Variants in DENND4B observed in about 807,000 individuals in gnomAD.
DENND4B encodes the protein DENN domain-containing protein 4B.
Under a neutral mutation model 161.0 loss-of-function variants are expected in DENND4B, and 67 were observed. The observed-to-expected ratio is 0.42, with a 90% CI of 0.34 to 0.51. DENND4B has a LOEUF of 0.51. Ranked by LOEUF, DENND4B falls within the 20% of genes least tolerant of loss-of-function variation. DENND4B has a pLI of 0.08. For missense variants in DENND4B, 1,481 were observed against 1,968.0 expected (o/e 0.75, Z 4.68); for synonymous variants, 753 against 813.8 (o/e 0.93, Z 1.27).
Position 153,940,143 on chromosome 1 carries a change from C to T in DENND4B, c.1603+13G>A, listed in dbSNP as rs145433830. 1.3e-4 allele frequency: 199 copies of T among 1,549,716 alleles called. 1 individual carries two copies. The East Asian group carries it at 3.6e-3, about 28-fold the overall frequency. On this transcript the variant is annotated intron_variant, in intron 11 of 27. Coordinates refer to ENST00000361217, the MANE Select transcript of DENND4B (RefSeq NM_014856.3). The surrounding 1 kb of genome is among the most constrained non-coding windows in gnomAD (Gnocchi z 5.6). ...GACAGTTCCCAGCCTCCCTCCCCAC[C>T]CAGGCTTCTCACTCTGGTCCAGCTG...
chr1:153,940,137 C>T lies in DENND4B; in HGVS notation c.1603+19G>A, dbSNP rs768236761. On this transcript the variant is annotated intron_variant, in intron 11 of 27. Transcript: ENST00000361217. The surrounding 1 kb of genome is among the most constrained non-coding windows in gnomAD (Gnocchi z 5.6). ...GGCAATGACAGTTCCCAGCCTCCCT[C>T]CCCACCCAGGCTTCTCACTCTGGTC... The T allele has an allele frequency of 5.8e-6, 9 of 1,542,062 alleles. No individual in the cohort carries two copies. In the South Asian group the frequency reaches 1.0e-4, roughly 17 times the overall value.
At position 153,944,842 on chromosome 1, in the gene DENND4B, T is replaced by TGATC. The variant is rs898614293; in HGVS notation, c.-23-449_-23-446dup. On this transcript the variant is annotated intron_variant, in intron 1 of 27. Transcript: ENST00000361217. This position sits in a 1 kb window ranked among gnomAD's most constrained non-coding sequence, Gnocchi z 4.8. Reference sequence around the variant, plus strand: ...TAGTTATGACACCATAAGAACCTTGTGATCCTGCCAATGTTCTTAAAGAGC... The same window carrying TGATC: ...TAGTTATGACACCATAAGAACCTTGTGATCGATCCTGCCAATGTTCTTAAAGAGC... Among the ~76,000 whole-genome samples the TGATC allele has an allele frequency of 7.9e-5, 12 of 152,302 alleles. No individual in the cohort carries two copies. The highest frequency in any genetic ancestry group is 2.1e-4 in the South Asian group (1 of 4,824).
intron 13 of DENND4B, among the ~76,000 whole-genome samples, chr1:153,938,111 TTACAA>T (rs1388142167): frequency 1.3e-5 from 2 of 152,164 alleles, no homozygotes; most frequent in African/African-American, 2.4e-5. Context: ...AGAGTTGTGT[TTACAA>T]TGGCCCTGGG....
At chr1:153,945,302 A>G in intron 1 of DENND4B, 2 of 563,772 alleles carry the variant, frequency 3.5e-6, no homozygotes, top group South Asian at 1.7e-5. Context: ...GTGGAGGGGA[A>G]GCTGCAACTC....
At position 153,944,584 on chromosome 1, in the gene DENND4B, C is replaced by CCCT. The variant is rs1441930879; in HGVS notation, c.-23-190_-23-188dup. Among the ~76,000 whole-genome samples, 2 of 152,170 alleles carry CCCT rather than the reference C, an allele frequency of 1.3e-5. No individual in the cohort carries two copies. Among genetic ancestry groups the CCCT allele is most frequent in the Non-Finnish European group, 2.9e-5 (2 of 68,026 alleles). Reference sequence around the variant, plus strand: ...CCACAGCTTCTTAAAGAGACCAGATCCCTCCCACTTAATGGTCCTGGCACT... The same window carrying CCCT: ...CCACAGCTTCTTAAAGAGACCAGATCCCTCCTCCCACTTAATGGTCCTGGCACT... On this transcript the variant is annotated intron_variant, in intron 1 of 27. Coordinates refer to ENST00000361217, the MANE Select transcript of DENND4B (RefSeq NM_014856.3). This position sits in a 1 kb window ranked among gnomAD's most constrained non-coding sequence, Gnocchi z 4.8.
In DENND4B at chr1:153,934,877, G is replaced by A; in HGVS notation, c.2656C>T (p.Gln886Ter). Reference protein sequence around the residue: ...KLRNVVLGAAQFRQPLRERQQ... With the variant: ...KLRNVVLGAA ...CGTTCTCTCAAGGGCTGGCGGAACTGAGCAGCCCCCAGGACAACATTCCGG... is the reference window on the plus strand; with the variant it reads ...CGTTCTCTCAAGGGCTGGCGGAACTAAGCAGCCCCCAGGACAACATTCCGG... Residue 886 changes from glutamine to a stop codon, truncating the protein, a stop_gained, in exon 18 of 28, where the codon CAG (glutamine) becomes TAG (stop). Transcript: ENST00000361217. LOFTEE classifies it high-confidence loss of function. This position sits in a 1 kb window ranked among gnomAD's most constrained non-coding sequence, Gnocchi z 5.3. 1 of 1,613,686 alleles carries A rather than the reference G, an allele frequency of 6.2e-7. No homozygotes were observed. Among genetic ancestry groups the A allele is most frequent in the Non-Finnish European group, 8.5e-7 (1 of 1,179,898 alleles).
rs376611781 is a variant in DENND4B, at chr1:153,932,414, C to T, written c.3786G>A (p.Gly1262=). The change falls in exon 24 of 28, where the codon GGG becomes GGA. Residue 1262 remains glycine (G), a synonymous_variant. Transcript: ENST00000361217. The surrounding 1 kb of genome is among the most constrained non-coding windows in gnomAD (Gnocchi z 5.8). ...MGGASRRVES[G]AWAYLSPLVL... ...CCAGGGGGCTCAGGTATGCCCATGCCCCACTCTCAACCCGCCGGGAGGCTC... is the reference window on the plus strand; with the variant it reads ...CCAGGGGGCTCAGGTATGCCCATGCTCCACTCTCAACCCGCCGGGAGGCTC... 194 of 1,612,328 alleles carry T rather than the reference C, an allele frequency of 1.2e-4. No individual in the cohort carries two copies. The African/African-American group carries it at 2.1e-3, about 17-fold the overall frequency.
Position 153,944,148 on chromosome 1 carries a change from G to A in DENND4B, c.227C>T (p.Pro76Leu), listed in dbSNP as rs765519783. The A allele has an allele frequency of 3.7e-6, 6 of 1,613,074 alleles. No homozygotes were observed. The highest frequency in any genetic ancestry group is 5.1e-6 in the Non-Finnish European group (6 of 1,179,510). The change falls in exon 2 of 28, where the codon CCC becomes CTC. Residue 76 changes from proline to leucine, a missense_variant. By Grantham distance (98) the Pro-to-Leu change is moderately conservative (BLOSUM62 -3). This residue lies in a region of DENND4B where 806 missense variants were observed against 1,134.4 expected (regional missense o/e 0.71). Transcript: ENST00000361217. This position sits in a 1 kb window ranked among gnomAD's most constrained non-coding sequence, Gnocchi z 4.8. The stretch of plus-strand genomic sequence containing the variant: ...CAGAAGTCCAGCACTGAGTTCCAAG[G>A]GGTGGCCCCCAGCAGAAGCCTGGAT... ...TCIQASAGGH[P>L]LELSAGLLGG...
In DENND4B at chr1:153,942,918, TGAG is replaced by T; in HGVS notation, c.527_529del (p.Pro176del). 1.2e-6 allele frequency: 2 copies of T among 1,609,400 alleles called. No individual in the cohort carries two copies. Among genetic ancestry groups the T allele is most frequent in the South Asian group, 1.1e-5 (1 of 90,926 alleles). On this transcript the variant is annotated inframe_deletion, in exon 3 of 28. Coordinates refer to ENST00000361217, the MANE Select transcript of DENND4B (RefSeq NM_014856.3). The surrounding 1 kb of genome is among the most constrained non-coding windows in gnomAD (Gnocchi z 6.9). Reference sequence around the variant, plus strand: ...GTTGCGGGGCAGCCGGCAGTAAGTATGAGGAGTGCCCTCGCCCTTACTGGGCAG... The same window carrying T: ...GTTGCGGGGCAGCCGGCAGTAAGTATGAGTGCCCTCGCCCTTACTGGGCAG...
chr1:153,933,554 G>T lies in DENND4B; in HGVS notation c.3259C>A (p.Pro1087Thr). The T allele has an allele frequency of 6.4e-7, 1 of 1,550,686 alleles. No homozygotes were observed. The highest frequency in any genetic ancestry group is 8.7e-7 in the Non-Finnish European group (1 of 1,150,842). Residue 1087 changes from proline to threonine, a missense_variant, in exon 20 of 28, where the codon CCC becomes ACC. Physicochemically the swap from Pro to Thr is conservative, Grantham distance 38. Transcript: ENST00000361217. The surrounding 1 kb of genome is among the most constrained non-coding windows in gnomAD (Gnocchi z 5.7). ...TCCATGGGGCTGCGGCGGGCTGGGG[G>T]TGGCAGGTCAGGAGGCAGCTCAGGT... is the stretch of plus-strand genomic sequence containing the variant. ...PPPELPPDLPPPARRSPMDSL... is the reference protein window; with the variant it reads ...PPPELPPDLPTPARRSPMDSL...
rs942624653 is a variant in DENND4B at position 153,940,750 on chromosome 1, C to T, written c.1327-144G>A. On this transcript the variant is annotated intron_variant, in intron 9 of 27. Coordinates refer to ENST00000361217, the MANE Select transcript of DENND4B (RefSeq NM_014856.3). The surrounding 1 kb of genome is among the most constrained non-coding windows in gnomAD (Gnocchi z 5.6). ...TGGAAGTAGGCTCTAGAGAAGAGCTCCTGATGGAAGCTATGTGTTCCTGCA... is the reference window on the plus strand; with the variant it reads ...TGGAAGTAGGCTCTAGAGAAGAGCTTCTGATGGAAGCTATGTGTTCCTGCA... 1.4e-5 allele frequency: 20 copies of T among 1,435,374 alleles called. No homozygotes were observed. The highest frequency in any genetic ancestry group is 1.2e-4 in the Admixed American group (5 of 43,334). The allele number at this position is 1,435,374 out of a possible 1,614,324, so 88.9% of individuals were successfully genotyped here.
Position 153,937,540 on chromosome 1 carries a change from G to GGCACAGGCAGGGCCCC in DENND4B, c.2164_2179dup (p.Pro727ArgfsTer11). 1 of 1,608,964 alleles carries GGCACAGGCAGGGCCCC rather than the reference G, an allele frequency of 6.2e-7. No individual in the cohort carries two copies. Among genetic ancestry groups the GGCACAGGCAGGGCCCC allele is most frequent in the African/African-American group, 1.3e-5 (1 of 74,956 alleles). On this transcript the variant is annotated frameshift_variant, in exon 15 of 28. Coordinates refer to ENST00000361217, the MANE Select transcript of DENND4B (RefSeq NM_014856.3). LOFTEE classifies it high-confidence loss of function. This position sits in a 1 kb window ranked among gnomAD's most constrained non-coding sequence, Gnocchi z 4.7. ...GCTGGGGGCGCTACGGGAAGGGCCT[G>GGCACAGGCAGGGCCCC]GCACAGGCAGGGCCCCAGGTTGCTC...
rs1030716451 is a variant in DENND4B at position 153,933,175 on chromosome 1, G to A, written c.3453+22C>T. 1.9e-6 allele frequency: 3 copies of A among 1,612,664 alleles called. No homozygotes were observed. The highest frequency in any genetic ancestry group is 3.3e-5 in the Admixed American group (2 of 59,726). ...GTGCTATGTGTGTTCAAGCACATCT[G>A]TGTGGGAGGGGTTATCCTCACTTCC... On this transcript the variant is annotated intron_variant, in intron 21 of 27. Transcript: ENST00000361217. This position sits in a 1 kb window ranked among gnomAD's most constrained non-coding sequence, Gnocchi z 5.7.
At chr1:153,943,678 T>TAA (rs11330733) in intron 2 of DENND4B, among the ~76,000 whole-genome samples, 2,011 of 91,810 alleles carry the variant, frequency 0.022, 77 homozygotes, top group African/African-American at 0.072. Context: ...ACTCTGTCTA[T>TAA]AAAAAAAAAA....
chr1:153,942,685 A>T lies in DENND4B; in HGVS notation c.571-60T>A. 1 of 1,509,196 alleles carries T rather than the reference A, an allele frequency of 6.6e-7. No homozygotes were observed. The highest frequency in any genetic ancestry group is 1.3e-5 in the South Asian group (1 of 76,150). 93.5% of individuals were successfully genotyped at this position (1,509,196 alleles called of 1,614,324 possible). On this transcript the variant is annotated intron_variant, in intron 3 of 27. Transcript: ENST00000361217. The surrounding 1 kb of genome is among the most constrained non-coding windows in gnomAD (Gnocchi z 6.9). ...TAGCTAACAAAGGTTTCTGGGGTCC[A>T]CTTTCTCTCTACCACCCCTAAATGT...
chr1:153,931,708 C>G lies in DENND4B; in HGVS notation c.3996+496G>C, dbSNP rs201440322. ...ACACGGGGTTTCACCGTGTTAGCCA[C>G]GATGGTCTCGATCTCCTGACCTCAT... On this transcript the variant is annotated intron_variant, in intron 24 of 27. Coordinates refer to ENST00000361217, the MANE Select transcript of DENND4B (RefSeq NM_014856.3). 1.8e-4 allele frequency among the ~76,000 whole-genome samples: 28 copies of G among 151,740 alleles called. No homozygotes were observed. In the East Asian group the frequency reaches 3.9e-3, roughly 21 times the overall value.
chr1:153,940,162 C>T lies in DENND4B; in HGVS notation c.1597G>A (p.Asp533Asn), dbSNP rs1312685691. 1 of 1,573,926 alleles carries T rather than the reference C, an allele frequency of 6.4e-7. No homozygotes were observed. Among genetic ancestry groups the T allele is most frequent in the East Asian group, 2.2e-5 (1 of 44,624 alleles). Reference protein sequence around the residue: ...ATLTNLYQQLDQTYTGPEEEA... With the variant: ...ATLTNLYQQLNQTYTGPEEEA... The stretch of plus-strand genomic sequence containing the variant: ...CCCCACCCAGGCTTCTCACTCTGGT[C>T]CAGCTGCTGGTACAGGTTTGTCAGT... Residue 533 changes from aspartate to asparagine, a missense_variant, in exon 11 of 28, where the codon GAC (aspartate) becomes AAC (asparagine). This residue lies in a region of DENND4B where 806 missense variants were observed against 1,134.4 expected (regional missense o/e 0.71). Coordinates refer to ENST00000361217, the MANE Select transcript of DENND4B (RefSeq NM_014856.3). The surrounding 1 kb of genome is among the most constrained non-coding windows in gnomAD (Gnocchi z 5.6).
In DENND4B at chr1:153,930,053, G is replaced by A. The variant is rs1678814518; in HGVS notation, c.*244C>T. The A allele has an allele frequency of 2.3e-5, 13 of 574,420 alleles. No individual in the cohort carries two copies. The highest frequency in any genetic ancestry group is 4.0e-5 in the Non-Finnish European group (13 of 325,852). The allele number at this position is 574,420 out of a possible 1,614,324, so 35.6% of individuals were successfully genotyped here. A position where few individuals can be genotyped will look rare whatever the true frequency, so the allele number is the denominator to read the frequency against. ...TATAGGACAAGGGAAGAACAGAGCT[G>A]TACCAACTCCCCCCAGATCTCCCCC... On this transcript the variant is annotated 3_prime_UTR_variant, in exon 28 of 28. Coordinates refer to ENST00000361217, the MANE Select transcript of DENND4B (RefSeq NM_014856.3). This position sits in a 1 kb window ranked among gnomAD's most constrained non-coding sequence, Gnocchi z 4.7.
Position 153,934,406 on chromosome 1 carries a change from A to G in DENND4B, c.2774-104T>C. The G allele has an allele frequency of 1.4e-6, 2 of 1,401,380 alleles. No homozygotes were observed. The highest frequency in any genetic ancestry group is 1.9e-6 in the Non-Finnish European group (2 of 1,040,834). 86.8% of individuals were successfully genotyped at this position (1,401,380 alleles called of 1,614,324 possible). ...GACCAGGGTTTGCAGGGTTCCTCCCAGGCAAAACTTTATCCGTTTTGTGTT... is the reference window on the plus strand; with the variant it reads ...GACCAGGGTTTGCAGGGTTCCTCCCGGGCAAAACTTTATCCGTTTTGTGTT... On this transcript the variant is annotated intron_variant, in intron 18 of 27. Transcript: ENST00000361217. The surrounding 1 kb of genome is among the most constrained non-coding windows in gnomAD (Gnocchi z 5.3).
Sources: allele counts gnomAD v4.1 joint callset (sites outside exome capture counted in the v4.1 genomes callset), GRCh38; gene constraint gnomAD v4.1.1; regional missense constraint gnomAD v4.1.1; non-coding constraint Gnocchi (gnomAD v3.1); transcripts MANE v1.5; gene names NCBI Gene and HGNC (gene_info 2026-07-23, HGNC 2026-07-21).